Variants in PDE7B observed in about 807,000 individuals in gnomAD.
PDE7B encodes 3',5'-cyclic-AMP phosphodiesterase 7B.
PDE7B carries 29 observed loss-of-function variants against 56.2 expected under a neutral mutation model. The ratio of observed to expected loss-of-function variants is 0.52; its 90% CI spans 0.38 to 0.70. The LOEUF (loss-of-function observed/expected upper bound fraction) is 0.70, where lower values mean the gene tolerates loss of function less well. Among genes scored for constraint, PDE7B ranks in the 30% least tolerant of loss-of-function variants. PDE7B has a pLI of 0.00. For synonymous variants in PDE7B, 197 were observed against 196.9 expected (o/e 1.00, Z 0.00); for missense variants, 490 against 565.0 (o/e 0.87, Z 1.35).
chr6:135,933,261 ATG>A (rs913451084), intron 1 of PDE7B, among the ~76,000 whole-genome samples: 4 of 152,232 alleles, frequency 2.6e-5, no homozygotes, highest in African/African-American at 9.6e-5. Flanking sequence ...ATACATATAT[ATG>A]TGTTTACTTT....
chr6:135,931,079 G>A (rs565674469), intron 1 of PDE7B, among the ~76,000 whole-genome samples: 3 of 152,094 alleles, frequency 2.0e-5, no homozygotes, highest in Non-Finnish European at 2.9e-5. Flanking sequence ...CACTTTAAAG[G>A]TCACAAAAGA....
At chr6:135,871,460 T>G (rs1340735867) in intron 1 of PDE7B, among the ~76,000 whole-genome samples, 1 of 152,190 alleles carries the variant, frequency 6.6e-6, no homozygotes, top group Non-Finnish European at 1.5e-5. Flanking sequence ...AGAAAGACAT[T>G]TTCTTCTCCT....
chr6:135,969,989 A>G (rs1395923351), intron 2 of PDE7B, among the ~76,000 whole-genome samples: 4 of 152,168 alleles, frequency 2.6e-5, no homozygotes, highest in East Asian at 3.8e-4. Context: ...ACTAGAGAAA[A>G]TAGTGACTGA....
intron 2 of PDE7B, among the ~76,000 whole-genome samples, chr6:136,100,727 G>C (rs1259837924): frequency 6.6e-6 from 1 of 152,188 alleles, no homozygotes; most frequent in African/African-American, 2.4e-5. Flanking sequence ...GAGACAATTT[G>C]ACTTCCTCTT....
intron 9 of PDE7B, among the ~76,000 whole-genome samples, chr6:136,176,857 A>G (rs1020788869): frequency 9.2e-5 from 14 of 152,200 alleles, no homozygotes; most frequent in African/African-American, 3.4e-4. Context: ...ATCCTCACCA[A>G]TAAAAATGGG....
intron 2 of PDE7B, among the ~76,000 whole-genome samples, chr6:136,045,691 C>T (rs1776490500): frequency 6.6e-6 from 1 of 151,966 alleles, no homozygotes; most frequent in Non-Finnish European, 1.5e-5. Context: ...AAAATAGAAT[C>T]ACTAGAGAGA....
chr6:135,980,227 T>A (rs1223003744), intron 2 of PDE7B, among the ~76,000 whole-genome samples: 1 of 151,944 alleles, frequency 6.6e-6, no homozygotes, highest in South Asian at 2.1e-4. Flanking sequence ...CTGGGAAAAC[T>A]GGCTAGCCAT....
At chr6:135,866,219 T>C (rs1421143291) in intron 1 of PDE7B, among the ~76,000 whole-genome samples, 1 of 152,170 alleles carries the variant, frequency 6.6e-6, no homozygotes, top group Admixed American at 6.6e-5. Flanking sequence ...TGTTTAGAAT[T>C]TTTTAATATA....
At chr6:135,963,080 T>C (rs535042062) in intron 2 of PDE7B, among the ~76,000 whole-genome samples, 7 of 152,300 alleles carry the variant, frequency 4.6e-5, no homozygotes, top group African/African-American at 1.7e-4. Flanking sequence ...CAAAACACTG[T>C]GGAACTTTCT....
At chr6:136,003,704 T>C (rs1254612685) in intron 2 of PDE7B, among the ~76,000 whole-genome samples, 1 of 152,234 alleles carries the variant, frequency 6.6e-6, no homozygotes, top group Non-Finnish European at 1.5e-5. Flanking sequence ...ATTGTGGCAA[T>C]AATCAATAGC....
intron 2 of PDE7B, among the ~76,000 whole-genome samples, chr6:135,973,434 T>C (rs1775128349): frequency 6.6e-6 from 1 of 151,104 alleles, no homozygotes; most frequent in South Asian, 2.1e-4. Flanking sequence ...GCAATGAACA[T>C]AGAGGTGCTA....
chr6:136,105,879 A>T (rs1777637449), intron 2 of PDE7B, among the ~76,000 whole-genome samples: 1 of 152,254 alleles, frequency 6.6e-6, no homozygotes, highest in African/African-American at 2.4e-5. Flanking sequence ...TGTCAGGTGA[A>T]GACCAGGAAG....
intron 2 of PDE7B, among the ~76,000 whole-genome samples, chr6:135,957,122 G>A (rs1774810123): frequency 6.6e-6 from 1 of 152,146 alleles, no homozygotes; most frequent in Non-Finnish European, 1.5e-5. Context: ...CCGTGGGCGA[G>A]GAAGCATGGA....
intron 8 of PDE7B, among the ~76,000 whole-genome samples, chr6:136,156,699 A>C (rs1778610876): frequency 6.6e-6 from 1 of 152,222 alleles, no homozygotes; most frequent in Non-Finnish European, 1.5e-5. Context: ...CCATACAGAT[A>C]TCTTCAGTGT....
chr6:136,087,935 A>C (rs1410180456), intron 2 of PDE7B, among the ~76,000 whole-genome samples: 3 of 152,204 alleles, frequency 2.0e-5, no homozygotes, highest in African/African-American at 7.2e-5. Flanking sequence ...ATAAGCAAAA[A>C]AATATATATT....
chr6:135,970,074 A>G (rs1775068005), intron 2 of PDE7B, among the ~76,000 whole-genome samples: 1 of 152,178 alleles, frequency 6.6e-6, no homozygotes, highest in South Asian at 2.1e-4. Flanking sequence ...TTTATTGAGT[A>G]TCTAGTACGT....
At chr6:135,940,723 C>T (rs375637507) in intron 1 of PDE7B, among the ~76,000 whole-genome samples, 6 of 152,302 alleles carry the variant, frequency 3.9e-5, no homozygotes, top group African/African-American at 1.4e-4. Flanking sequence ...TCAGGTTTCG[C>T]CCTTCATCAG....
chr6:136,016,154 A>G (rs1473195474), intron 2 of PDE7B, among the ~76,000 whole-genome samples: 2 of 152,200 alleles, frequency 1.3e-5, no homozygotes, highest in East Asian at 1.9e-4. Context: ...ATACGTAGGA[A>G]AGTATAAAAA....
intron 1 of PDE7B, among the ~76,000 whole-genome samples, chr6:135,855,617 A>C (rs926024138): frequency 6.6e-6 from 1 of 152,208 alleles, no homozygotes; most frequent in African/African-American, 2.4e-5. Context: ...AAGAGAGCCA[A>C]AATTTTCCCA....
Sources: allele counts gnomAD v4.1 joint callset (sites outside exome capture counted in the v4.1 genomes callset), GRCh38; gene constraint gnomAD v4.1.1; transcripts MANE v1.5; gene names NCBI Gene and HGNC (gene_info 2026-07-23, HGNC 2026-07-21).